The following TSHZ2 variants were observed in gnomAD, a reference collection of about 807,000 sequenced individuals.
TSHZ2 encodes teashirt zinc finger homeobox 2.
A neutral mutation model predicts 74.4 loss-of-function variants in TSHZ2; 21 were observed. The observed-to-expected ratio is 0.28, with a 90% CI of 0.20 to 0.41. The LOEUF is 0.41. Among genes scored for constraint, TSHZ2 ranks in the 10% least tolerant of loss-of-function variants. The pLI is 1.00. For synonymous variants in TSHZ2, 540 were observed against 515.3 expected, an observed-to-expected ratio of 1.05 and a Z score of -0.65; for missense variants, 1,244 against 1,293.5, an observed-to-expected ratio of 0.96 and a Z score of 0.59.
chr20:53,142,469 T>C (rs960591906), intron 1 of TSHZ2, among the ~76,000 whole-genome samples: 13 of 152,228 alleles, frequency 8.5e-5, no homozygotes, highest in African/African-American at 3.1e-4. Flanking sequence ...AGGTAGGCTA[T>C]GTTTTGATTG....
chr20:53,442,682 G>A (rs1319502669), intron 2 of TSHZ2, among the ~76,000 whole-genome samples: 1 of 152,212 alleles, frequency 6.6e-6, no homozygotes, highest in East Asian at 1.9e-4. Context: ...CTATGTCTCT[G>A]TCTCCCTAAT....
chr20:53,155,036 A>C (rs1461663826), intron 1 of TSHZ2, among the ~76,000 whole-genome samples: 4 of 150,316 alleles, frequency 2.7e-5, no homozygotes, highest in Non-Finnish European at 4.4e-5. Flanking sequence ...CTTCTAAGAC[A>C]GGTGTTTGAA....
chr20:53,389,347 G>A (rs1402245918), intron 2 of TSHZ2, among the ~76,000 whole-genome samples: 3 of 152,186 alleles, frequency 2.0e-5, no homozygotes, highest in Admixed American at 6.5e-5. Flanking sequence ...GCCCGGACTC[G>A]AAGCTCAACT....
At chr20:53,025,628 G>A (rs1399355169) in intron 1 of TSHZ2, among the ~76,000 whole-genome samples, 1 of 152,178 alleles carries the variant, frequency 6.6e-6, no homozygotes. Context: ...AACAAGTCAG[G>A]ACACCAGTGT....
At chr20:53,450,658 G>A (rs911517825) in intron 2 of TSHZ2, among the ~76,000 whole-genome samples, 1 of 152,124 alleles carries the variant, frequency 6.6e-6, no homozygotes, top group African/African-American at 2.4e-5. Flanking sequence ...TGAGTAGCTG[G>A]GATTACAGGC....
At chr20:53,305,075 G>T (rs1182444542) in intron 2 of TSHZ2, among the ~76,000 whole-genome samples, 1 of 151,644 alleles carries the variant, frequency 6.6e-6, no homozygotes, top group Non-Finnish European at 1.5e-5. Context: ...AGCTGGGACT[G>T]CAGGTGCCCT....
chr20:53,336,886 TA>T, intron 2 of TSHZ2, among the ~76,000 whole-genome samples: 1 of 152,260 alleles, frequency 6.6e-6, no homozygotes, highest in Middle Eastern at 3.4e-3. Context: ...CACACTTGAG[TA>T]AATACATACA....
chr20:53,446,578 CA>C (rs5841946), intron 2 of TSHZ2, among the ~76,000 whole-genome samples: 56,518 of 105,572 alleles, frequency 0.54, 13,112 homozygotes, highest in African/African-American at 0.68. Flanking sequence ...GACTCTGTCG[CA>C]AAAAAAAAAA....
At chr20:53,018,909 G>A (rs1018569119) in intron 1 of TSHZ2, among the ~76,000 whole-genome samples, 22 of 152,122 alleles carry the variant, frequency 1.4e-4, no homozygotes, top group African/African-American at 5.3e-4. Flanking sequence ...AATATGTTAA[G>A]ATTATTTTTA....
chr20:53,447,092 C>CTG (rs1422740038), intron 2 of TSHZ2, among the ~76,000 whole-genome samples: 1 of 152,212 alleles, frequency 6.6e-6, no homozygotes, highest in Non-Finnish European at 1.5e-5. Flanking sequence ...TGCTCCTTCT[C>CTG]AATAGTCACA....
At chr20:53,286,886 TACACACACACACACAC>T (rs71194467) in intron 2 of TSHZ2, among the ~76,000 whole-genome samples, 9 of 139,530 alleles carry the variant, frequency 6.5e-5, no homozygotes, top group East Asian at 4.2e-4. Flanking sequence ...GTCTCAAAAA[TACACACACACACACAC>T]ACACACACAC....
intron 2 of TSHZ2, among the ~76,000 whole-genome samples, chr20:53,343,080 C>A (rs952433677): frequency 8.0e-5 from 12 of 150,046 alleles, no homozygotes; most frequent in African/African-American, 3.0e-4. Context: ...GATTCTCCTG[C>A]CTCAGCCTCC....
intron 1 of TSHZ2, among the ~76,000 whole-genome samples, chr20:53,251,469 A>G (rs1990329948): frequency 6.6e-6 from 1 of 152,234 alleles, no homozygotes; most frequent in Non-Finnish European, 1.5e-5. Context: ...GAATAATCTA[A>G]TTCGGCCATA....
chr20:53,441,520 T>C (rs1215742466), intron 2 of TSHZ2, among the ~76,000 whole-genome samples: 1 of 152,104 alleles, frequency 6.6e-6, no homozygotes, highest in African/African-American at 2.4e-5. Flanking sequence ...TCTCCTGACC[T>C]CATGATCCGC....
chr20:53,096,286 C>T (rs982929382), intron 1 of TSHZ2, among the ~76,000 whole-genome samples: 11 of 152,102 alleles, frequency 7.2e-5, no homozygotes, highest in African/African-American at 2.2e-4. Context: ...AGACTACAGG[C>T]GTGCACCACC....
intron 1 of TSHZ2, among the ~76,000 whole-genome samples, chr20:53,212,113 G>T (rs1160091637): frequency 6.6e-6 from 1 of 151,948 alleles, no homozygotes; most frequent in Non-Finnish European, 1.5e-5. Context: ...CATAAGGACT[G>T]GGGGCCCAGA....
chr20:53,079,041 G>A (rs1332442442), intron 1 of TSHZ2, among the ~76,000 whole-genome samples: 14 of 152,260 alleles, frequency 9.2e-5, no homozygotes, highest in Non-Finnish European at 1.9e-4. Flanking sequence ...CCTGAGAAAG[G>A]CCAATATCCA....
chr20:53,406,075 A>G (rs1982841721), intron 2 of TSHZ2, among the ~76,000 whole-genome samples: 1 of 152,216 alleles, frequency 6.6e-6, no homozygotes, highest in Non-Finnish European at 1.5e-5. Flanking sequence ...GTAGATGATG[A>G]AGGCATCTCT....
intron 1 of TSHZ2, among the ~76,000 whole-genome samples, chr20:53,241,226 G>A (rs772969787): frequency 1.2e-4 from 19 of 152,078 alleles, no homozygotes; most frequent in Admixed American, 2.0e-4. Flanking sequence ...CAAAAATATC[G>A]AAGACCTATA....
Sources: allele counts gnomAD v4.1 joint callset (sites outside exome capture counted in the v4.1 genomes callset), GRCh38; gene constraint gnomAD v4.1.1; transcripts MANE v1.5; gene names NCBI Gene and HGNC (gene_info 2026-07-23, HGNC 2026-07-21).